VPS8: variants seen among roughly 807,000 people sequenced by gnomAD.
VPS8 encodes the protein VPS8 subunit of CORVET complex.
VPS8 carries 129 observed loss-of-function variants against 216.4 expected under a neutral mutation model. The ratio of observed to expected loss-of-function variants is 0.60; its 90% confidence interval spans 0.52 to 0.69. The LOEUF (loss-of-function observed/expected upper bound fraction) is 0.69, where lower values mean the gene tolerates loss of function less well. Among genes scored for constraint, VPS8 ranks in the 30% least tolerant of loss-of-function variants. The pLI, the probability that VPS8 is intolerant of heterozygous loss-of-function variation, is 0.00. For synonymous variants in VPS8, 571 were observed against 565.4 expected (o/e 1.01, Z -0.14); for missense variants, 1,531 against 1,683.5 (o/e 0.91, Z 1.59).
chr3:184,971,694 T>C lies in VPS8; in HGVS notation c.3362T>C (p.Val1121Ala), dbSNP rs767555197. ...TTGAAGGATGTTGAAGATACTATGG[T>C]GGAGACCATTGCTCTTTGCCAGAGA... The part of the protein sequence containing the change: ...PSLKDVEDTM[V>A]ETIALCQRNS... Residue 1121 changes from valine (V) to alanine (A), a missense_variant, in exon 40 of 48, where the codon GTG becomes GCG. Val to Ala is a moderately conservative substitution (Grantham distance 64). Transcript: ENST00000625842. The C allele has an allele frequency of 1.9e-6, 3 of 1,613,566 alleles. No homozygotes were observed. The highest frequency in any genetic ancestry group is 1.1e-5 in the South Asian group (1 of 91,006).
chr3:184,869,453 T>G, intron 19 of VPS8, 29 bp from the exon 20 acceptor site: 1 of 1,611,686 alleles, frequency 6.2e-7, no homozygotes, highest in South Asian at 1.1e-5. Flanking sequence ...CTAACTTTTG[T>G]TTTTTTGTTG....
intron 37 of VPS8, 32 bp downstream of exon 37, chr3:184,957,553 A>G: frequency 1.3e-6 from 2 of 1,584,760 alleles, no homozygotes; most frequent in Non-Finnish European, 1.7e-6. Flanking sequence ...AGACAAGAGT[A>G]AACTCTTCTT....
intron 15 of VPS8, among the ~76,000 whole-genome samples, chr3:184,861,892 TAAATA>T (rs1726447872): frequency 6.6e-6 from 1 of 152,220 alleles, no homozygotes; most frequent in African/African-American, 2.4e-5. Flanking sequence ...ATACTTTTTC[TAAATA>T]AAATAATTAA....
chr3:184,909,400 C>T (rs1301335120), intron 25 of VPS8, among the ~76,000 whole-genome samples: 1 of 152,148 alleles, frequency 6.6e-6, no homozygotes, highest in Non-Finnish European at 1.5e-5. Flanking sequence ...GTCCTTACTC[C>T]ACCATTTCTG....
chr3:184,812,684 T>C (rs1024211232), intron 1 of VPS8: 6 of 152,208 alleles, frequency 3.9e-5, no homozygotes, highest in African/African-American at 1.4e-4. Flanking sequence ...CATTCTGTCC[T>C]GTTACAGTCG....
At chr3:184,975,530 A>T (rs1179858269) in intron 40 of VPS8, among the ~76,000 whole-genome samples, 1 of 151,956 alleles carries the variant, frequency 6.6e-6, no homozygotes, top group African/African-American at 2.4e-5. Context: ...TCCAATTTGG[A>T]TGCCTTTTAT....
At position 184,869,022 on chromosome 3, in the gene VPS8, C is replaced by G. The variant is rs373216699; in HGVS notation, c.1583C>G (p.Ala528Gly). The change falls in exon 19 of 48, where the codon GCA becomes GGA. Residue 528 changes from alanine to glycine, a missense_variant. Around this residue, in one of 3 missense-constraint regions of VPS8, gnomAD observed 1,318 missense variants for 1,468.4 expected, o/e 0.90. Transcript: ENST00000625842. ...GCGTGGTCTTTCCATGAAGGAAAAG[C>G]AAAAGCAGTAGTGGGTGAGTAGGCA... is the stretch of plus-strand genomic sequence containing the variant. Reference protein sequence around the residue: ...ALAWSFHEGKAKAVVGLSGDA... With the variant: ...ALAWSFHEGKGKAVVGLSGDA... The G allele has an allele frequency of 1.7e-5, 28 of 1,607,012 alleles. No individual in the cohort carries two copies. The African/African-American group carries it at 3.5e-4, about 20-fold the overall frequency.
intron 1 of VPS8, among the ~76,000 whole-genome samples, chr3:184,820,132 G>C (rs115707462): frequency 1.3e-5 from 2 of 152,092 alleles, no homozygotes; most frequent in Admixed American, 1.3e-4. Context: ...TATTGTTGCC[G>C]TAAATTACCG....
rs1013753710 is a variant in VPS8 at position 184,906,252 on chromosome 3, G to A, written c.2146+5280G>A. On this transcript the variant is annotated intron_variant, in intron 25 of 47. Coordinates refer to ENST00000625842, the MANE Select transcript of VPS8 (RefSeq NM_001009921.3). The stretch of plus-strand genomic sequence containing the variant: ...ATTTCTCACATTTCCTTCTCATATT[G>A]ATTTCTACTTTTTTTTGTGGTCAGA... Among the ~76,000 whole-genome samples, 8 of 152,004 alleles carry A rather than the reference G, an allele frequency of 5.3e-5. No homozygotes were observed. The South Asian group carries it at 8.3e-4, about 16-fold the overall frequency.
Position 185,052,068 on chromosome 3 carries a change from G to A in VPS8, c.*43G>A, listed in dbSNP as rs777667528. The A allele has an allele frequency of 8.3e-6, 13 of 1,568,320 alleles. No individual in the cohort carries two copies. The highest frequency in any genetic ancestry group is 2.3e-5 in the East Asian group (1 of 43,296). On this transcript the variant is annotated 3_prime_UTR_variant, in exon 48 of 48. Coordinates refer to ENST00000625842, the MANE Select transcript of VPS8 (RefSeq NM_001009921.3). ...GCCCAGGAGAACCAGAGATGATCCC[G>A]AGGCAGCTGGGGAGAGGCCCCGCCT... is the stretch of plus-strand genomic sequence containing the variant.
intron 1 of VPS8, among the ~76,000 whole-genome samples, chr3:184,818,632 CA>C (rs1238138998): frequency 1.3e-5 from 2 of 149,812 alleles, no homozygotes; most frequent in African/African-American, 4.9e-5. Flanking sequence ...CAAAACAAAA[CA>C]AAGGAATGAA....
intron 46 of VPS8, among the ~76,000 whole-genome samples, chr3:185,038,264 T>C (rs150802206): frequency 1.1e-4 from 17 of 152,290 alleles, no homozygotes; most frequent in African/African-American, 3.9e-4. Context: ...TCTGGTTTTG[T>C]TGTTGTTTGT....
chr3:184,984,106 C>T (rs1312159738), intron 42 of VPS8, among the ~76,000 whole-genome samples: 2 of 137,652 alleles, frequency 1.5e-5, no homozygotes, highest in Non-Finnish European at 3.1e-5. Flanking sequence ...ATGGCGTGAA[C>T]CCGGGAGGCA....
At chr3:184,899,547 A>C (rs563638652) in intron 24 of VPS8, among the ~76,000 whole-genome samples, 1 of 151,558 alleles carries the variant, frequency 6.6e-6, no homozygotes, top group South Asian at 2.1e-4. Context: ...CCACCCTTCT[A>C]CCTCTGGTTT....
chr3:185,011,207 A>G (rs1380656481), intron 45 of VPS8, among the ~76,000 whole-genome samples: 1 of 152,176 alleles, frequency 6.6e-6, no homozygotes, highest in East Asian at 1.9e-4. Flanking sequence ...TAATAATTAT[A>G]AGCCCTAGGC....
chr3:185,037,619 C>T (rs1759091973), intron 46 of VPS8, among the ~76,000 whole-genome samples: 1 of 152,076 alleles, frequency 6.6e-6, no homozygotes, highest in Non-Finnish European at 1.5e-5. Context: ...ATGATAACTC[C>T]ACATTTCTCT....
Position 184,962,274 on chromosome 3 carries a change from A to G in VPS8, c.3184-2194A>G, listed in dbSNP as rs141763430. Among the ~76,000 whole-genome samples, 498 of 152,304 alleles carry G rather than the reference A, an allele frequency of 3.3e-3. 2 individuals are homozygous for G. The highest frequency in any genetic ancestry group is 4.1e-3 in the Non-Finnish European group (280 of 68,038). On this transcript the variant is annotated intron_variant, in intron 37 of 47. Coordinates refer to ENST00000625842, the MANE Select transcript of VPS8 (RefSeq NM_001009921.3). Reference sequence around the variant, plus strand: ...GTGTGCCCATATGAGGGTTCTCTGAATAATATACTTGCAAATGGAATTGTT... The same window carrying G: ...GTGTGCCCATATGAGGGTTCTCTGAGTAATATACTTGCAAATGGAATTGTT...
chr3:184,948,905 G>C (rs1744159278), intron 36 of VPS8, among the ~76,000 whole-genome samples: 1 of 152,160 alleles, frequency 6.6e-6, no homozygotes, highest in Non-Finnish European at 1.5e-5. Flanking sequence ...GAAATCATTA[G>C]GCTCTTATTT....
At chr3:184,860,635 G>A (rs1726180532) in intron 15 of VPS8, among the ~76,000 whole-genome samples, 1 of 152,116 alleles carries the variant, frequency 6.6e-6, no homozygotes, top group Admixed American at 6.5e-5. Flanking sequence ...TCAAAGGGGA[G>A]TTTGGCTTCA....
Sources: allele counts gnomAD v4.1 joint callset (sites outside exome capture counted in the v4.1 genomes callset), GRCh38; gene constraint gnomAD v4.1.1; regional missense constraint gnomAD v4.1.1; transcripts MANE v1.5; gene names NCBI Gene and HGNC (gene_info 2026-07-23, HGNC 2026-07-21).